Variants in MYL1 observed in about 807,000 individuals in gnomAD.
The protein encoded by MYL1 is myosin light chain 1.
In MYL1, 16 loss-of-function variants were observed where a neutral mutation model predicts 21.8. That is an observed-to-expected ratio of 0.74 (90% confidence interval 0.50 to 1.12). MYL1 has a LOEUF of 1.12. MYL1 is among the 50% of genes most tolerant of loss of function. The probability of loss-of-function intolerance (pLI) is 0.00; values close to 1 mark genes in which losing one functional copy is unlikely to be tolerated. For missense variants in MYL1, 246 were observed against 241.0 expected (o/e 1.02, Z -0.14); for synonymous variants, 99 against 85.2 (o/e 1.16, Z -0.89).
chr2:210,315,142 A>G lies in MYL1; in HGVS notation c.-100T>C. ...AGGAGTGGTGGTTGGGTTGATCCAC[A>G]GCCCAGTGTCTTGAAGATGGACCCA... is the stretch of plus-strand genomic sequence containing the variant. On this transcript the variant is annotated 5_prime_UTR_variant, in exon 1 of 7. Transcript: ENST00000352451. 7.0e-7 allele frequency: 1 copy of G among 1,427,914 alleles called. No homozygotes were observed. Among genetic ancestry groups the G allele is most frequent in the South Asian group, 1.2e-5 (1 of 80,738 alleles). 88.5% of individuals were successfully genotyped at this position (1,427,914 alleles called of 1,614,324 possible). A position where few individuals can be genotyped will look rare whatever the true frequency, so the allele number is the denominator to read the frequency against.
intron 1 of MYL1, among the ~76,000 whole-genome samples, chr2:210,305,380 G>C (rs919858548): frequency 6.6e-6 from 1 of 152,090 alleles, no homozygotes; most frequent in African/African-American, 2.4e-5. Flanking sequence ...AAAATGCTTT[G>C]AATCATTGGG....
chr2:210,306,456 A>G (rs751163153), intron 1 of MYL1, among the ~76,000 whole-genome samples: 3 of 151,826 alleles, frequency 2.0e-5, no homozygotes, highest in Non-Finnish European at 2.9e-5. Context: ...AAAGTTTGTT[A>G]TTATTATAAT....
chr2:210,311,640 C>T (rs1346181948), intron 1 of MYL1, among the ~76,000 whole-genome samples: 1 of 152,030 alleles, frequency 6.6e-6, no homozygotes, highest in Non-Finnish European at 1.5e-5. Context: ...TTCACTTACA[C>T]ATTGAAGATC....
At chr2:210,294,814 A>C (rs1210400092) in intron 3 of MYL1, among the ~76,000 whole-genome samples, 1 of 152,166 alleles carries the variant, frequency 6.6e-6, no homozygotes, top group Admixed American at 6.6e-5. Flanking sequence ...TGTCCATTTA[A>C]TATTTCCCAT....
intron 5 of MYL1, among the ~76,000 whole-genome samples, 163 bp from the exon 6 acceptor site, chr2:210,291,237 G>C (rs1228928498): frequency 3.3e-5 from 5 of 152,074 alleles, no homozygotes; most frequent in Non-Finnish European, 7.4e-5. Flanking sequence ...CTTAGTAGTG[G>C]ATTTATGACC....
chr2:210,303,625 C>A, intron 1 of MYL1: 3 of 1,571,950 alleles, frequency 1.9e-6, no homozygotes, highest in Non-Finnish European at 2.6e-6. Flanking sequence ...TGGGGTCATC[C>A]CTGGCTGAGG....
intron 1 of MYL1, among the ~76,000 whole-genome samples, chr2:210,310,519 A>T (rs1575707500): frequency 6.6e-6 from 1 of 152,116 alleles, no homozygotes; most frequent in African/African-American, 2.4e-5. Flanking sequence ...ATTACTAAAA[A>T]AACTCAGTTT....
At chr2:210,301,843 A>C (rs1690269655) in intron 2 of MYL1, among the ~76,000 whole-genome samples, 1 of 152,112 alleles carries the variant, frequency 6.6e-6, no homozygotes, top group African/African-American at 2.4e-5. Flanking sequence ...TTTGTAATCA[A>C]CTTAAACTAA....
intron 2 of MYL1, among the ~76,000 whole-genome samples, chr2:210,299,135 T>C (rs899315074): frequency 1.3e-5 from 2 of 152,216 alleles, no homozygotes; most frequent in East Asian, 1.9e-4. Flanking sequence ...TATTAACTAA[T>C]GTGTGACTCT....
At chr2:210,298,932 A>C (rs943961638) in intron 2 of MYL1, among the ~76,000 whole-genome samples, 1 of 152,180 alleles carries the variant, frequency 6.6e-6, no homozygotes, top group African/African-American at 2.4e-5. Context: ...AGATTAACAA[A>C]ATTTCAGAAA....
At chr2:210,293,516 G>T (rs1690114246) in intron 5 of MYL1, among the ~76,000 whole-genome samples, 1 of 152,140 alleles carries the variant, frequency 6.6e-6, no homozygotes, top group Non-Finnish European at 1.5e-5. Flanking sequence ...CACATTTTTA[G>T]CTTTAAAACA....
chr2:210,295,408 T>G (rs1227979734), intron 3 of MYL1, among the ~76,000 whole-genome samples: 1 of 151,876 alleles, frequency 6.6e-6, no homozygotes, highest in East Asian at 1.9e-4. Context: ...CCGAGGCAGG[T>G]GGACTCCTTG....
At chr2:210,307,410 ACTT>A (rs1208634580) in intron 1 of MYL1, among the ~76,000 whole-genome samples, 1 of 152,208 alleles carries the variant, frequency 6.6e-6, no homozygotes, top group Non-Finnish European at 1.5e-5. Context: ...TCAAATATAA[ACTT>A]CTCCTCTAGA....
chr2:210,293,638 G>C, intron 5 of MYL1, 85 bp downstream of exon 5: 1 of 1,078,392 alleles, frequency 9.3e-7, no homozygotes, highest in Non-Finnish European at 1.4e-6. Context: ...AATAAGGAAG[G>C]AAGAGGAAAA....
intron 5 of MYL1, 83 bp from the exon 6 acceptor site, chr2:210,291,157 C>T: frequency 9.3e-7 from 1 of 1,076,866 alleles, no homozygotes; most frequent in Non-Finnish European, 1.4e-6. Flanking sequence ...AATGAGTTAG[C>T]TCAATCCTAT....
At chr2:210,299,241 T>C (rs1313179755) in intron 2 of MYL1, among the ~76,000 whole-genome samples, 1 of 152,182 alleles carries the variant, frequency 6.6e-6, no homozygotes, top group Non-Finnish European at 1.5e-5. Context: ...TATCAAATAA[T>C]ACATATGACA....
At chr2:210,308,855 G>A (rs913271857) in intron 1 of MYL1, among the ~76,000 whole-genome samples, 2 of 54,416 alleles carry the variant, frequency 3.7e-5, no homozygotes, top group South Asian at 9.5e-4. Flanking sequence ...AAAAACCTAC[G>A]TTGTGTTTTT....
At chr2:210,291,789 TA>T (rs11389014) in intron 5 of MYL1, among the ~76,000 whole-genome samples, 1 of 151,476 alleles carries the variant, frequency 6.6e-6, no homozygotes, top group Admixed American at 6.6e-5. Flanking sequence ...ATTAAATTGT[TA>T]AAAAAATTTG....
intron 1 of MYL1, among the ~76,000 whole-genome samples, chr2:210,304,840 T>C (rs1375598264): frequency 2.0e-5 from 3 of 152,222 alleles, no homozygotes; most frequent in Non-Finnish European, 4.4e-5. Flanking sequence ...CAACCAAAAC[T>C]GTATTTTAGA....
Sources: allele counts gnomAD v4.1 joint callset (sites outside exome capture counted in the v4.1 genomes callset), GRCh38; gene constraint gnomAD v4.1.1; transcripts MANE v1.5; gene names NCBI Gene and HGNC (gene_info 2026-07-23, HGNC 2026-07-21).